The following PARM1 variants were observed in gnomAD, a reference collection of about 807,000 sequenced individuals.
The protein encoded by PARM1 is prostate androgen-regulated mucin-like protein 1.
PARM1 carries 14 observed loss-of-function variants against 24.6 expected under a neutral mutation model. The ratio of observed to expected loss-of-function variants is 0.57; its 90% CI spans 0.38 to 0.89. PARM1 has a LOEUF of 0.89. Among genes scored for constraint, PARM1 ranks in the 40% least tolerant of loss-of-function variants. PARM1 has a pLI of 0.00. For synonymous variants in PARM1, 179 were observed against 156.6 expected (o/e 1.14, Z -1.07); for missense variants, 362 against 380.4 (o/e 0.95, Z 0.40).
intron 1 of PARM1, among the ~76,000 whole-genome samples, chr4:74,988,018 G>T (rs1164134388): frequency 6.6e-6 from 1 of 152,230 alleles, no homozygotes; most frequent in East Asian, 1.9e-4. Context: ...GAATGAAATG[G>T]ACTCTTTTCC....
intron 1 of PARM1, among the ~76,000 whole-genome samples, chr4:74,959,268 C>G (rs1295055188): frequency 6.6e-6 from 1 of 152,206 alleles, no homozygotes; most frequent in Non-Finnish European, 1.5e-5. Flanking sequence ...CCCCCCATCA[C>G]TATTTTACAA....
chr4:74,946,723 A>G (rs1024709180), intron 1 of PARM1, among the ~76,000 whole-genome samples: 1 of 152,224 alleles, frequency 6.6e-6, no homozygotes, highest in South Asian at 2.1e-4. Context: ...GGACAATTTG[A>G]GCATTGATGA....
chr4:74,983,041 A>G lies in PARM1; in HGVS notation c.44-29384A>G, dbSNP rs972866122. 8.5e-5 allele frequency among the ~76,000 whole-genome samples: 13 copies of G among 152,202 alleles called. 1 individual carries two copies. The highest frequency in any genetic ancestry group is 3.1e-4 in the African/African-American group (13 of 41,452). On this transcript the variant is annotated intron_variant, in intron 1 of 3. Transcript: ENST00000307428. The stretch of plus-strand genomic sequence containing the variant: ...TTTTAAAAATTGTTCCAGGGACCAG[A>G]TATTGTCTTGTATCTATAGTGACAA...
chr4:75,010,348 A>G (rs926129079), intron 1 of PARM1, among the ~76,000 whole-genome samples: 1 of 152,210 alleles, frequency 6.6e-6, no homozygotes, highest in African/African-American at 2.4e-5. Context: ...GGTTGTTTTT[A>G]TGCCATTCCC....
intron 2 of PARM1, among the ~76,000 whole-genome samples, chr4:75,020,284 A>T (rs948799678): frequency 6.6e-6 from 1 of 152,218 alleles, no homozygotes; most frequent in Non-Finnish European, 1.5e-5. Context: ...CAAATATTAG[A>T]TCATTGTATA....
At position 74,952,413 on chromosome 4, in the gene PARM1, C is replaced by G. The variant is rs1319444291; in HGVS notation, c.43+19043C>G. On this transcript the variant is annotated intron_variant, in intron 1 of 3. Transcript: ENST00000307428. ...TGCCTGTTCACTCTGATGATAGTTTCTTTTGCTGTGCAGAAGCTCTTTAGT... is the reference window on the plus strand; with the variant it reads ...TGCCTGTTCACTCTGATGATAGTTTGTTTTGCTGTGCAGAAGCTCTTTAGT... 2.6e-5 allele frequency among the ~76,000 whole-genome samples: 4 copies of G among 152,118 alleles called. No individual in the cohort carries two copies. In the South Asian group the frequency reaches 8.3e-4, roughly 32 times the overall value.
At chr4:74,933,794 G>T (rs1721118629) in intron 1 of PARM1, among the ~76,000 whole-genome samples, 1 of 152,186 alleles carries the variant, frequency 6.6e-6, no homozygotes, top group Admixed American at 6.5e-5. Flanking sequence ...GGGGTGGGAG[G>T]TTCGCATCTG....
intron 1 of PARM1, among the ~76,000 whole-genome samples, chr4:74,981,629 CACTTTGG>C (rs1722258033): frequency 6.6e-6 from 1 of 152,082 alleles, no homozygotes; most frequent in African/African-American, 2.4e-5. Flanking sequence ...GTAATCCCAG[CACTTTGG>C]GAGACCGAGG....
intron 3 of PARM1, among the ~76,000 whole-genome samples, chr4:75,045,722 A>T (rs535710699): frequency 6.6e-6 from 1 of 152,256 alleles, no homozygotes; most frequent in Non-Finnish European, 1.5e-5. Flanking sequence ...ATAAATTATA[A>T]GACAATATAA....
intron 1 of PARM1, chr4:74,965,430 C>T (rs1366115454): frequency 6.6e-6 from 1 of 152,142 alleles, no homozygotes; most frequent in Non-Finnish European, 1.5e-5. Flanking sequence ...TGCTGTCATT[C>T]CTTTGTAAAA....
At chr4:74,954,760 C>T (rs1017876235) in intron 1 of PARM1, among the ~76,000 whole-genome samples, 23 of 152,320 alleles carry the variant, frequency 1.5e-4, no homozygotes, top group African/African-American at 5.5e-4. Flanking sequence ...TGGTCCTCTT[C>T]ACCAAGGCTC....
chr4:75,001,933 A>G (rs571998648), intron 1 of PARM1, among the ~76,000 whole-genome samples: 1 of 152,314 alleles, frequency 6.6e-6, no homozygotes, highest in South Asian at 2.1e-4. Context: ...GCCAACATGA[A>G]TACAAAGCCT....
chr4:75,033,172 T>C (rs1723303378), intron 2 of PARM1, among the ~76,000 whole-genome samples: 1 of 152,162 alleles, frequency 6.6e-6, no homozygotes, highest in Non-Finnish European at 1.5e-5. Flanking sequence ...CACCAAGATA[T>C]TTCTACAAAC....
At chr4:74,992,271 A>G (rs1198139051) in intron 1 of PARM1, among the ~76,000 whole-genome samples, 1 of 152,184 alleles carries the variant, frequency 6.6e-6, no homozygotes, top group African/African-American at 2.4e-5. Context: ...AAAAATGAGT[A>G]AATTTGAAGG....
intron 1 of PARM1, among the ~76,000 whole-genome samples, chr4:74,970,977 G>A (rs992761013): frequency 6.6e-6 from 1 of 152,192 alleles, no homozygotes; most frequent in Non-Finnish European, 1.5e-5. Flanking sequence ...CATTGGAAAT[G>A]AAGCTGCATG....
chr4:74,997,653 A>G (rs529550221), intron 1 of PARM1: 1 of 152,318 alleles, frequency 6.6e-6, no homozygotes, highest in African/African-American at 2.4e-5. Context: ...AAGACAGAGG[A>G]CTGGAATGCA....
At chr4:74,984,091 G>T (rs1722307833) in intron 1 of PARM1, among the ~76,000 whole-genome samples, 1 of 152,126 alleles carries the variant, frequency 6.6e-6, no homozygotes, top group African/African-American at 2.4e-5. Flanking sequence ...TTTCCTCAGA[G>T]GGTGTCTGGA....
intron 1 of PARM1, among the ~76,000 whole-genome samples, chr4:75,006,852 A>G (rs568891921): frequency 1.2e-4 from 19 of 152,346 alleles, no homozygotes; most frequent in African/African-American, 4.6e-4. Flanking sequence ...AGCAATGGCA[A>G]CAAAAGCCAA....
At chr4:75,021,474 A>T in intron 2 of PARM1, among the ~76,000 whole-genome samples, 1 of 148,278 alleles carries the variant, frequency 6.7e-6, no homozygotes. Context: ...CTTTTATTTC[A>T]GTTTTGGAGG....
Sources: allele counts gnomAD v4.1 joint callset (sites outside exome capture counted in the v4.1 genomes callset), GRCh38; gene constraint gnomAD v4.1.1; transcripts MANE v1.5; gene names NCBI Gene and HGNC (gene_info 2026-07-23, HGNC 2026-07-21).